ZNRF3: variants seen among roughly 807,000 people sequenced by gnomAD.
ZNRF3 encodes zinc and ring finger 3.
ZNRF3 carries 23 observed loss-of-function variants against 72.5 expected under a neutral mutation model. That is an observed-to-expected ratio of 0.32 (90% CI 0.23 to 0.45). The LOEUF is 0.45. ZNRF3 is among the 20% of genes least tolerant of loss of function. ZNRF3 has a pLI of 1.00. For missense variants in ZNRF3, 1,169 were observed against 1,272.1 expected (o/e 0.92, Z 1.23); for synonymous variants, 610 against 545.3 (o/e 1.12, Z -1.65).
At position 29,050,727 on chromosome 22, in the gene ZNRF3, C is replaced by T. The variant is rs1267617195; in HGVS notation, c.2546C>T (p.Thr849Ile). ...GGCCTGCCCTCGGACTGCCAAGGGA[C>T]CCACAGCCTCGGCTCCTGGGGTGGG... ...DLGLPSDCQG[T>I]HSLGSWGGTR... The change falls in exon 8 of 9, where the codon ACC becomes ATC. Residue 849 changes from threonine to isoleucine, a missense_variant. Thr to Ile is a moderately conservative substitution (Grantham distance 89). This residue lies in a region of ZNRF3 where 783 missense variants were observed against 731.4 expected (regional missense o/e 1.07). Transcript: ENST00000544604. 2 of 1,610,970 alleles carry T rather than the reference C, an allele frequency of 1.2e-6. No homozygotes were observed. The highest frequency in any genetic ancestry group is 4.5e-5 in the East Asian group (2 of 44,766).
intron 3 of ZNRF3, 98 bp downstream of exon 3, chr22:29,042,667 A>T: frequency 9.2e-7 from 1 of 1,081,644 alleles, no homozygotes; most frequent in Admixed American, 2.0e-5. Flanking sequence ...CTCATCTCAG[A>T]GCATTTGCTC....
At chr22:28,900,426 T>C (rs2034081262) in intron 1 of ZNRF3, among the ~76,000 whole-genome samples, 1 of 152,224 alleles carries the variant, frequency 6.6e-6, no homozygotes, top group South Asian at 2.1e-4. Flanking sequence ...CCTTGCATGA[T>C]TAATTCTATG....
At chr22:28,891,786 C>G (rs2033893277) in intron 1 of ZNRF3, among the ~76,000 whole-genome samples, 1 of 152,210 alleles carries the variant, frequency 6.6e-6, no homozygotes, top group Non-Finnish European at 1.5e-5. Context: ...GAGAAAATCC[C>G]CTATCCTCAC....
At chr22:29,028,449 C>G (rs2036685408) in intron 2 of ZNRF3, among the ~76,000 whole-genome samples, 1 of 152,164 alleles carries the variant, frequency 6.6e-6, no homozygotes, top group Non-Finnish European at 1.5e-5. Context: ...TAAGAGCTAT[C>G]TGGAATTTCC....
Position 28,883,771 on chromosome 22 carries a change from G to T in ZNRF3, c.5G>T (p.Arg2Met). 1.0e-6 allele frequency: 1 copy of T among 980,328 alleles called. No homozygotes were observed. The highest frequency in any genetic ancestry group is 4.6e-5 in the South Asian group (1 of 21,958). The allele number at this position is 980,328 out of a possible 1,614,324, so 60.7% of individuals were successfully genotyped here. A position where few individuals can be genotyped will look rare whatever the true frequency, so the allele number is the denominator to read the frequency against. ...GCGCCCTCCCGCCGCAGGACCATGA[G>T]GCCGCGCTCGGGCGGGCGCCCAGGG... Reference protein sequence around the residue: MRPRSGGRPGAT... With the variant: MMPRSGGRPGAT... Residue 2 changes from arginine (R) to methionine (M), a missense_variant, in exon 1 of 9, where the codon AGG becomes ATG. Arg to Met is a moderately conservative substitution (Grantham distance 91). Transcript: ENST00000544604. This position sits in a 1 kb window ranked among gnomAD's most constrained non-coding sequence, Gnocchi z 5.5.
At chr22:29,036,047 T>G (rs1011945851) in intron 2 of ZNRF3, among the ~76,000 whole-genome samples, 1 of 152,200 alleles carries the variant, frequency 6.6e-6, no homozygotes, top group Non-Finnish European at 1.5e-5. Flanking sequence ...ACATGCATTT[T>G]ATTCTTGCCA....
At chr22:28,954,934 A>C (rs544417428) in intron 1 of ZNRF3, among the ~76,000 whole-genome samples, 28 of 152,238 alleles carry the variant, frequency 1.8e-4, no homozygotes, top group Non-Finnish European at 3.2e-4. Flanking sequence ...ATAATATCTT[A>C]AAATCTGTGA....
At chr22:28,895,254 G>A (rs897200980) in intron 1 of ZNRF3, among the ~76,000 whole-genome samples, 2 of 152,180 alleles carry the variant, frequency 1.3e-5, no homozygotes, top group African/African-American at 2.4e-5. Context: ...TTTTGCTTTG[G>A]TGTAGGTGTT....
At chr22:28,928,844 G>A (rs5997418) in intron 1 of ZNRF3, among the ~76,000 whole-genome samples, 11 of 152,160 alleles carry the variant, frequency 7.2e-5, no homozygotes, top group African/African-American at 2.4e-4. Flanking sequence ...ACCCATGCAA[G>A]GTTCCCATAA....
At chr22:29,027,495 C>T (rs980925272) in intron 2 of ZNRF3, among the ~76,000 whole-genome samples, 9 of 152,126 alleles carry the variant, frequency 5.9e-5, no homozygotes, top group East Asian at 1.9e-4. Context: ...GTTATCTGCC[C>T]GCCTCGGCCT....
At chr22:29,051,792 C>T (rs577770380) in intron 8 of ZNRF3, among the ~76,000 whole-genome samples, 27 of 150,938 alleles carry the variant, frequency 1.8e-4, no homozygotes, top group Non-Finnish European at 3.2e-4. Context: ...GTAATCCTAG[C>T]TACTCCGGAG....
chr22:28,947,094 C>T (rs1377697514), intron 1 of ZNRF3, among the ~76,000 whole-genome samples: 1 of 152,146 alleles, frequency 6.6e-6, no homozygotes, highest in Non-Finnish European at 1.5e-5. Flanking sequence ...AGTTGGTTCT[C>T]TTAAGTTGGT....
At chr22:28,975,490 A>G (rs376440909) in intron 1 of ZNRF3, among the ~76,000 whole-genome samples, 4 of 129,970 alleles carry the variant, frequency 3.1e-5, no homozygotes, top group African/African-American at 1.2e-4. Context: ...CCTGGGAGAC[A>G]GAGCGATACT....
chr22:28,944,475 C>T (rs2035009467), intron 1 of ZNRF3, among the ~76,000 whole-genome samples: 1 of 152,184 alleles, frequency 6.6e-6, no homozygotes, highest in Non-Finnish European at 1.5e-5. Flanking sequence ...ATGAAAAATG[C>T]CGGGTGCGGT....
intron 1 of ZNRF3, among the ~76,000 whole-genome samples, chr22:28,964,490 T>G (rs1448825052): frequency 6.6e-6 from 1 of 151,948 alleles, no homozygotes; most frequent in African/African-American, 2.4e-5. Context: ...CATCCTCGAG[T>G]GTATCCAGAG....
chr22:29,015,542 C>T (rs866092397), intron 2 of ZNRF3, among the ~76,000 whole-genome samples: 3 of 151,786 alleles, frequency 2.0e-5, no homozygotes, highest in Non-Finnish European at 2.9e-5. Context: ...TGGTGGTGCA[C>T]GCCTGTAGTC....
chr22:28,906,204 G>A (rs1314695300), intron 1 of ZNRF3, among the ~76,000 whole-genome samples: 1 of 152,352 alleles, frequency 6.6e-6, no homozygotes, highest in East Asian at 1.9e-4. Flanking sequence ...GTGCACGTCT[G>A]TAGTCCCAAC....
At chr22:28,886,614 G>A (rs948268571) in intron 1 of ZNRF3, among the ~76,000 whole-genome samples, 2 of 152,106 alleles carry the variant, frequency 1.3e-5, no homozygotes, top group Admixed American at 6.6e-5. Flanking sequence ...CTGTGCCCTG[G>A]TGACACAGTC....
chr22:29,038,773 C>A (rs1359508824), intron 2 of ZNRF3, among the ~76,000 whole-genome samples: 1 of 152,118 alleles, frequency 6.6e-6, no homozygotes, highest in Non-Finnish European at 1.5e-5. Context: ...CCCCTCCTGT[C>A]CAGTCCTGGT....
Sources: allele counts gnomAD v4.1 joint callset (sites outside exome capture counted in the v4.1 genomes callset), GRCh38; gene constraint gnomAD v4.1.1; regional missense constraint gnomAD v4.1.1; non-coding constraint Gnocchi (gnomAD v3.1); transcripts MANE v1.5; gene names NCBI Gene and HGNC (gene_info 2026-07-23, HGNC 2026-07-21).